FHIT: variants seen among roughly 807,000 people sequenced by gnomAD.
FHIT encodes fragile histidine triad diadenosine triphosphatase.
In FHIT, 19 loss-of-function variants were observed where a neutral mutation model predicts 17.9. The ratio of observed to expected loss-of-function variants is 1.06; its 90% CI spans 0.74 to 1.56. The LOEUF (loss-of-function observed/expected upper bound fraction) is 1.56, where lower values mean the gene tolerates loss of function less well. FHIT is among the 40% of genes most tolerant of loss of function. The pLI, the probability that FHIT is intolerant of heterozygous loss-of-function variation, is 0.00. For synonymous variants in FHIT, 81 were observed against 69.7 expected (o/e 1.16, Z -0.81); for missense variants, 248 against 189.2 (o/e 1.31, Z -1.82).
chr3:60,222,568 A>C (rs1016922103), intron 5 of FHIT, among the ~76,000 whole-genome samples: 1 of 152,160 alleles, frequency 6.6e-6, no homozygotes, highest in Non-Finnish European at 1.5e-5. Flanking sequence ...AGGCGGGTGG[A>C]TCACGAGGTC....
At chr3:60,042,114 C>T (rs1701465599) in intron 5 of FHIT, among the ~76,000 whole-genome samples, 1 of 152,216 alleles carries the variant, frequency 6.6e-6, no homozygotes, top group Non-Finnish European at 1.5e-5. Flanking sequence ...AAACGCATCT[C>T]TTGCAGATGG....
intron 7 of FHIT, among the ~76,000 whole-genome samples, chr3:59,938,940 G>A (rs552575495): frequency 1.0e-3 from 158 of 152,210 alleles, no homozygotes; most frequent in Non-Finnish European, 2.0e-3. Context: ...GATGGTGCTG[G>A]GAGCACCCAG....
At chr3:60,670,227 A>G (rs2040476974) in intron 4 of FHIT, among the ~76,000 whole-genome samples, 2 of 152,166 alleles carry the variant, frequency 1.3e-5, no homozygotes, top group African/African-American at 4.8e-5. Context: ...TGGTGTAGGA[A>G]GACTGTAATT....
chr3:60,236,505 A>G (rs1461671754), intron 5 of FHIT, among the ~76,000 whole-genome samples: 1 of 152,124 alleles, frequency 6.6e-6, no homozygotes. Context: ...AACACTGTTA[A>G]AATTTCAAGG....
intron 5 of FHIT, among the ~76,000 whole-genome samples, chr3:60,422,791 T>C (rs1702525191): frequency 6.6e-6 from 1 of 152,080 alleles, no homozygotes; most frequent in African/African-American, 2.4e-5. Flanking sequence ...ACTCCAAATA[T>C]TAAAACTTTC....
At chr3:60,794,637 G>A (rs1700912192) in intron 4 of FHIT, among the ~76,000 whole-genome samples, 1 of 152,140 alleles carries the variant, frequency 6.6e-6, no homozygotes, top group Non-Finnish European at 1.5e-5. Context: ...TTATTAATGA[G>A]ATACTTTCGT....
At chr3:60,127,571 T>A (rs1339256000) in intron 5 of FHIT, among the ~76,000 whole-genome samples, 1 of 152,170 alleles carries the variant, frequency 6.6e-6, no homozygotes. Context: ...ATCTTATTTT[T>A]TATGCTTAAA....
chr3:60,780,728 G>A (rs1700357466), intron 4 of FHIT, among the ~76,000 whole-genome samples: 1 of 152,168 alleles, frequency 6.6e-6, no homozygotes, highest in South Asian at 2.1e-4. Context: ...ACGGCAGCTG[G>A]ATGTACCTCT....
intron 5 of FHIT, among the ~76,000 whole-genome samples, chr3:60,503,903 T>A (rs545753154): frequency 6.6e-6 from 1 of 152,242 alleles, no homozygotes; most frequent in South Asian, 2.1e-4. Context: ...TGAAAAAAAT[T>A]AACAGTATTA....
chr3:60,663,160 A>ATATATATATATATATATATATATATC (rs1553691630), intron 4 of FHIT, among the ~76,000 whole-genome samples: 14 of 132,550 alleles, frequency 1.1e-4, no homozygotes, highest in African/African-American at 2.7e-4. Context: ...GGAGATATAT[A>ATATATATATATATATATATATATATC]TCTCTTTAAT....
chr3:60,022,659 T>C (rs1700595842), intron 5 of FHIT, among the ~76,000 whole-genome samples: 1 of 152,200 alleles, frequency 6.6e-6, no homozygotes, highest in South Asian at 2.1e-4. Context: ...CAACTTGTAG[T>C]AGCTATTTAC....
At chr3:60,596,389 G>A (rs2038271738) in intron 4 of FHIT, among the ~76,000 whole-genome samples, 1 of 152,054 alleles carries the variant, frequency 6.6e-6, no homozygotes, top group Non-Finnish European at 1.5e-5. Context: ...TAGCCTTTGG[G>A]ATCACCCTTT....
chr3:59,834,877 T>C (rs974657922), intron 8 of FHIT, among the ~76,000 whole-genome samples: 1 of 152,232 alleles, frequency 6.6e-6, no homozygotes, highest in Non-Finnish European at 1.5e-5. Context: ...CCTGCCTATA[T>C]AAAATTTAAT....
At chr3:60,676,364 A>G (rs1250886120) in intron 4 of FHIT, among the ~76,000 whole-genome samples, 1 of 152,220 alleles carries the variant, frequency 6.6e-6, no homozygotes, top group African/African-American at 2.4e-5. Flanking sequence ...AAAGGCTGAC[A>G]CTTCTGATAT....
intron 5 of FHIT, among the ~76,000 whole-genome samples, chr3:60,207,390 A>G (rs562132820): frequency 2.0e-5 from 3 of 152,206 alleles, no homozygotes; most frequent in Non-Finnish European, 2.9e-5. Flanking sequence ...TCCTTTCAAT[A>G]ATGGCCTTCC....
intron 8 of FHIT, among the ~76,000 whole-genome samples, chr3:59,835,914 T>C (rs903055854): frequency 6.6e-6 from 1 of 152,136 alleles, no homozygotes. Flanking sequence ...GGAGCCCTAG[T>C]CGCTTAAGAG....
intron 4 of FHIT, among the ~76,000 whole-genome samples, chr3:60,744,258 C>CAAAAAAAAAAAAAAAAA (rs371224955): frequency 3.1e-5 from 3 of 95,640 alleles, no homozygotes; most frequent in Non-Finnish European, 6.2e-5. Flanking sequence ...AAAAAAAAAA[C>CAAAAAAAAAAAAAAAAA]AAAACAAAAC....
intron 7 of FHIT, among the ~76,000 whole-genome samples, chr3:59,957,828 TC>T (rs1368841936): frequency 7.2e-5 from 11 of 152,204 alleles, no homozygotes; most frequent in Admixed American, 7.2e-4. Context: ...TATGGTAGAC[TC>T]TTGGCTATAC....
intron 3 of FHIT, among the ~76,000 whole-genome samples, chr3:60,924,429 G>C (rs911733788): frequency 1.3e-5 from 2 of 152,272 alleles, no homozygotes; most frequent in South Asian, 4.1e-4. Context: ...GCCTCTGCTG[G>C]TGAAACACAG....
Sources: allele counts gnomAD v4.1 joint callset (sites outside exome capture counted in the v4.1 genomes callset), GRCh38; gene constraint gnomAD v4.1.1; transcripts MANE v1.5; gene names NCBI Gene and HGNC (gene_info 2026-07-23, HGNC 2026-07-21).